PXDC1: variants seen among roughly 807,000 people sequenced by gnomAD.
PXDC1 encodes PX domain containing 1.
Under a neutral mutation model 24.4 loss-of-function variants are expected in PXDC1, and 13 were observed. That is an observed-to-expected ratio of 0.53 (90% CI 0.35 to 0.85). The LOEUF is 0.85. Among genes scored for constraint, PXDC1 ranks in the 40% least tolerant of loss-of-function variants. PXDC1 has a pLI of 0.01. For missense variants in PXDC1, 344 were observed against 309.3 expected (o/e 1.11, Z -0.84); for synonymous variants, 162 against 124.9 (o/e 1.30, Z -1.98).
At chr6:3,750,236 T>G (rs1440128156) in intron 1 of PXDC1, among the ~76,000 whole-genome samples, 1 of 152,182 alleles carries the variant, frequency 6.6e-6, no homozygotes, top group Non-Finnish European at 1.5e-5. Flanking sequence ...CTGGGGAGAC[T>G]TGGACGGGCC....
chr6:3,723,887 C>G, intron 4 of PXDC1, 151 bp from the exon 5 acceptor site: 2 of 646,216 alleles, frequency 3.1e-6, no homozygotes, highest in Admixed American at 5.0e-5. Context: ...GGCTCCTGCT[C>G]TGAGACTGCC....
At chr6:3,723,804 A>C (rs1759995178) in intron 4 of PXDC1, 68 bp from the exon 5 acceptor site, 4 of 1,259,994 alleles carry the variant, frequency 3.2e-6, no homozygotes, top group Non-Finnish European at 4.6e-6. Flanking sequence ...ACCCGCCGGG[A>C]CCATGAGCAT....
intron 1 of PXDC1, among the ~76,000 whole-genome samples, chr6:3,739,760 G>A (rs777522691): frequency 3.9e-5 from 6 of 152,202 alleles, no homozygotes; most frequent in Admixed American, 6.5e-5. Context: ...CCCAAGCCCT[G>A]AATTCCTTGC....
rs942239014 is a variant in PXDC1 at position 3,728,490 on chromosome 6, G to C, written c.467-828C>G. On this transcript the variant is annotated intron_variant, in intron 3 of 4. Coordinates refer to ENST00000380283, the MANE Select transcript of PXDC1 (RefSeq NM_183373.4). The surrounding 1 kb of genome is among the most constrained non-coding windows in gnomAD (Gnocchi z 4.0). ...TTTTTTCCCAAATAAGCACAGATTC[G>C]GGTAATTTAGAAAAGCCAGCAAAGA... Among the ~76,000 whole-genome samples, 2 of 152,066 alleles carry C rather than the reference G, an allele frequency of 1.3e-5. No individual in the cohort carries two copies. Among genetic ancestry groups the C allele is most frequent in the Non-Finnish European group, 2.9e-5 (2 of 68,022 alleles).
At chr6:3,738,851 G>A in intron 1 of PXDC1, 1 of 1,303,342 alleles carries the variant, frequency 7.7e-7, no homozygotes, top group Non-Finnish European at 1.0e-6. Context: ...GAGAAGCGCA[G>A]AGCAGAAGTC....
chr6:3,734,741 C>G (rs1442394033), intron 3 of PXDC1, among the ~76,000 whole-genome samples: 1 of 152,026 alleles, frequency 6.6e-6, no homozygotes, highest in Non-Finnish European at 1.5e-5. Context: ...ACAAATTCAT[C>G]GCAATCCCCA....
Position 3,737,301 on chromosome 6 carries a change from A to C in PXDC1, c.349-105T>G. The stretch of plus-strand genomic sequence containing the variant: ...CTCCTCCGCAGAGGCAGCCTGTGTG[A>C]TGCAAACGCCCCATGAATGTCCAGA... On this transcript the variant is annotated intron_variant, in intron 2 of 4. Transcript: ENST00000380283. The surrounding 1 kb of genome is among the most constrained non-coding windows in gnomAD (Gnocchi z 5.5). 3.8e-6 allele frequency: 3 copies of C among 789,368 alleles called. No homozygotes were observed. Among genetic ancestry groups the C allele is most frequent in the Non-Finnish European group, 6.5e-6 (3 of 462,806 alleles). 48.9% of individuals were successfully genotyped at this position (789,368 alleles called of 1,614,324 possible).
chr6:3,744,113 G>T (rs1307457867), intron 1 of PXDC1, among the ~76,000 whole-genome samples: 3 of 152,168 alleles, frequency 2.0e-5, no homozygotes, highest in Non-Finnish European at 4.4e-5. Context: ...GCCTTCTCTA[G>T]GCTTTTTCAT....
rs1241328215 is a variant in PXDC1, at chr6:3,751,596, C to T, written c.-65G>A. ...CGCCCGCCCGCCCGCAGGAGGCGCG[C>T]CCCGGCCGGGGTCGTCCCGGGTCTG... On this transcript the variant is annotated 5_prime_UTR_variant, in exon 1 of 5. Coordinates refer to ENST00000380283, the MANE Select transcript of PXDC1 (RefSeq NM_183373.4). 1.4e-6 allele frequency: 2 copies of T among 1,431,718 alleles called. No individual in the cohort carries two copies. The highest frequency in any genetic ancestry group is 1.8e-6 in the Non-Finnish European group (2 of 1,098,060). The allele number at this position is 1,431,718 out of a possible 1,614,324, so 88.7% of individuals were successfully genotyped here.
chr6:3,738,928 G>T, intron 1 of PXDC1: 1 of 1,302,112 alleles, frequency 7.7e-7, no homozygotes, highest in South Asian at 1.2e-5. Context: ...GGACACTGGC[G>T]TCTCCCCCAC....
chr6:3,727,528 G>C lies in PXDC1; in HGVS notation c.578+23C>G, dbSNP rs374641794. On this transcript the variant is annotated intron_variant, in intron 4 of 4. Transcript: ENST00000380283. The stretch of plus-strand genomic sequence containing the variant: ...AATGGCTCAGGACAGTCTATGAAAC[G>C]ATATTCAAATCAGCATACTTACAAA... The C allele has an allele frequency of 3.3e-6, 5 of 1,499,036 alleles. No individual in the cohort carries two copies. The South Asian group carries it at 3.4e-5, about 10-fold the overall frequency. 92.9% of individuals were successfully genotyped at this position (1,499,036 alleles called of 1,614,324 possible).
intron 1 of PXDC1, chr6:3,738,697 A>T: frequency 9.5e-7 from 1 of 1,048,816 alleles, no homozygotes; most frequent in Non-Finnish European, 1.3e-6. Context: ...AGTGGACACG[A>T]CTCATGCCAC....
In PXDC1 at chr6:3,734,789, A is replaced by C. The variant is rs902267008; in HGVS notation, c.466+2290T>G. 2.0e-5 allele frequency among the ~76,000 whole-genome samples: 3 copies of C among 152,136 alleles called. No individual in the cohort carries two copies. The East Asian group carries it at 5.8e-4, about 29-fold the overall frequency. On this transcript the variant is annotated intron_variant, in intron 3 of 4. Transcript: ENST00000380283. The stretch of plus-strand genomic sequence containing the variant: ...TGACATTCTTCACAGGAATAGAAAA[A>C]AAAATCAATCCTAGGCCGGGCGCAG...
In PXDC1 at chr6:3,751,610, G is replaced by C; in HGVS notation, c.-79C>G. ...CAGGAGGCGCGCCCCGGCCGGGGTC[G>C]TCCCGGGTCTGTCCGTGGCCGGGGT... On this transcript the variant is annotated 5_prime_UTR_variant, in exon 1 of 5. Transcript: ENST00000380283. 1 of 1,398,670 alleles carries C rather than the reference G, an allele frequency of 7.1e-7. No homozygotes were observed. The highest frequency in any genetic ancestry group is 9.2e-7 in the Non-Finnish European group (1 of 1,083,312). The allele number at this position is 1,398,670 out of a possible 1,614,324, so 86.6% of individuals were successfully genotyped here.
At chr6:3,736,111 G>A (rs768070701) in intron 3 of PXDC1, among the ~76,000 whole-genome samples, 5 of 152,116 alleles carry the variant, frequency 3.3e-5, no homozygotes, top group Non-Finnish European at 7.4e-5. Flanking sequence ...CACGTTCACA[G>A]CCAACAGCAT....
At chr6:3,740,134 A>G (rs1245224693) in intron 1 of PXDC1, among the ~76,000 whole-genome samples, 2 of 152,248 alleles carry the variant, frequency 1.3e-5, no homozygotes, top group Admixed American at 1.3e-4. Flanking sequence ...CAGCACATGT[A>G]TACCCATTTC....
At chr6:3,727,737 C>T in intron 3 of PXDC1, 75 bp from the exon 4 acceptor site, 1 of 913,020 alleles carries the variant, frequency 1.1e-6, no homozygotes, top group Non-Finnish European at 1.8e-6. Context: ...AACTTACTCC[C>T]ATCTCCCTGC....
rs1445754951 is a variant in PXDC1 at position 3,727,549 on chromosome 6, A to G, written c.578+2T>C. On this transcript the variant is annotated splice_donor_variant, in intron 4 of 4. Transcript: ENST00000380283. LOFTEE classifies it high-confidence loss of function. Reference sequence around the variant, plus strand: ...AAACGATATTCAAATCAGCATACTTACAAATGCTCTGTTGGGTCCACGCCC... The same window carrying G: ...AAACGATATTCAAATCAGCATACTTGCAAATGCTCTGTTGGGTCCACGCCC... The G allele has an allele frequency of 1.3e-6, 2 of 1,582,218 alleles. No individual in the cohort carries two copies. The highest frequency in any genetic ancestry group is 1.7e-4 in the Middle Eastern group (1 of 6,008).
chr6:3,733,930 A>G (rs1432625777), intron 3 of PXDC1, among the ~76,000 whole-genome samples: 1 of 151,820 alleles, frequency 6.6e-6, no homozygotes, highest in African/African-American at 2.4e-5. Context: ...ACCCCTGCCC[A>G]CCAGACACTC....
Sources: allele counts gnomAD v4.1 joint callset (sites outside exome capture counted in the v4.1 genomes callset), GRCh38; gene constraint gnomAD v4.1.1; non-coding constraint Gnocchi (gnomAD v3.1); transcripts MANE v1.5; gene names NCBI Gene and HGNC (gene_info 2026-07-23, HGNC 2026-07-21).